Variants in ZSWIM5 observed in about 807,000 individuals in gnomAD.
ZSWIM5 encodes zinc finger SWIM domain-containing protein 5.
A neutral mutation model predicts 119.6 loss-of-function variants in ZSWIM5; 55 were observed. The ratio of observed to expected loss-of-function variants is 0.46; its 90% CI spans 0.37 to 0.58. The LOEUF is 0.58. Ranked by LOEUF, ZSWIM5 falls within the 20% of genes least tolerant of loss-of-function variation. The pLI, the probability that ZSWIM5 is intolerant of heterozygous loss-of-function variation, is 0.00. For missense variants in ZSWIM5, 1,193 were observed against 1,512.8 expected, an observed-to-expected ratio of 0.79 and a Z score of 3.51; for synonymous variants, 537 against 606.9, an observed-to-expected ratio of 0.88 and a Z score of 1.69.
At chr1:45,075,494 A>C (rs1332339592) in intron 2 of ZSWIM5, among the ~76,000 whole-genome samples, 1 of 152,084 alleles carries the variant, frequency 6.6e-6, no homozygotes, top group Admixed American at 6.5e-5. Context: ...TTTGTCTTGA[A>C]ATCTATTTTG....
At chr1:45,186,867 C>G (rs1447250091) in intron 1 of ZSWIM5, among the ~76,000 whole-genome samples, 1 of 152,116 alleles carries the variant, frequency 6.6e-6, no homozygotes, top group Non-Finnish European at 1.5e-5. Context: ...GTTGGGATTA[C>G]AGATGTGAGC....
chr1:45,038,960 C>G lies in ZSWIM5; in HGVS notation c.1870G>C (p.Asp624His), dbSNP rs760862440. Reference protein sequence around the residue: ...LTLTEACRLNDDGYLEMSDMN... With the variant: ...LTLTEACRLNHDGYLEMSDMN... ...CCTGACATCTCCAGATAGCCATCAT[C>G]ATTCAGGCGGCAGGCCTCAGTCAAA... Residue 624 changes from aspartate to histidine, a missense_variant, in exon 8 of 14, where the codon GAT becomes CAT. This residue lies in a region of ZSWIM5 where 961 missense variants were observed against 1,290.0 expected (regional missense o/e 0.74). Coordinates refer to ENST00000359600, the MANE Select transcript of ZSWIM5 (RefSeq NM_020883.2). 1.2e-6 allele frequency: 2 copies of G among 1,613,964 alleles called. No homozygotes were observed. Among genetic ancestry groups the G allele is most frequent in the South Asian group, 2.2e-5 (2 of 91,070 alleles).
chr1:45,129,707 AAATGTCCACGGCAAAAAATAATACAAGT>A, intron 1 of ZSWIM5, among the ~76,000 whole-genome samples: 1 of 152,182 alleles, frequency 6.6e-6, no homozygotes, highest in Non-Finnish European at 1.5e-5. Context: ...TGATACAACT[AAATGTCCACGGCAAAAAATAATACAAGT>A]AATAAACTTT....
intron 11 of ZSWIM5, among the ~76,000 whole-genome samples, chr1:45,030,584 T>C (rs1251143038): frequency 1.3e-5 from 2 of 152,090 alleles, no homozygotes; most frequent in Non-Finnish European, 2.9e-5. Flanking sequence ...TCTGACAGTT[T>C]TGTTTTTGAA....
chr1:45,168,785 C>A (rs912293085), intron 1 of ZSWIM5, among the ~76,000 whole-genome samples: 2 of 151,016 alleles, frequency 1.3e-5, no homozygotes. Context: ...TCTGGTTTCA[C>A]TTTTAAAAAT....
chr1:45,107,498 C>T (rs1032590881), intron 1 of ZSWIM5, among the ~76,000 whole-genome samples: 5 of 151,612 alleles, frequency 3.3e-5, no homozygotes, highest in South Asian at 2.1e-4. Flanking sequence ...AAAAATTAGC[C>T]GGGCCTGGTG....
intron 1 of ZSWIM5, among the ~76,000 whole-genome samples, chr1:45,129,167 T>G (rs887935144): frequency 6.2e-5 from 9 of 144,856 alleles, no homozygotes; most frequent in Admixed American, 4.8e-4. Flanking sequence ...TTTTTTTTTT[T>G]TTTTTTTTTT....
chr1:45,063,600 CT>C (rs1256553789), intron 2 of ZSWIM5, among the ~76,000 whole-genome samples: 1 of 152,136 alleles, frequency 6.6e-6, no homozygotes, highest in East Asian at 1.9e-4. Flanking sequence ...TTATGACATT[CT>C]TTTCCTCCTC....
chr1:45,019,044 C>A lies in ZSWIM5; in HGVS notation c.2968G>T (p.Ala990Ser), dbSNP rs1241752378. Reference sequence around the variant, plus strand: ...GAATGGGTCATACCACCAGCAGCAGCATCAATGGCAATCTGGTAGGCTGCC... The same window carrying A: ...GAATGGGTCATACCACCAGCAGCAGAATCAATGGCAATCTGGTAGGCTGCC... ...FEAAYQIAID[A>S]AAGGMTHSQL... The change falls in exon 14 of 14, where the codon GCT becomes TCT. Residue 990 changes from alanine to serine, a missense_variant. Coordinates refer to ENST00000359600, the MANE Select transcript of ZSWIM5 (RefSeq NM_020883.2). This position sits in a 1 kb window ranked among gnomAD's most constrained non-coding sequence, Gnocchi z 5.0. 4 of 1,614,220 alleles carry A rather than the reference C, an allele frequency of 2.5e-6. No individual in the cohort carries two copies. Among genetic ancestry groups the A allele is most frequent in the Non-Finnish European group, 3.4e-6 (4 of 1,180,036 alleles).
At chr1:45,073,173 T>A (rs1032456586) in intron 2 of ZSWIM5, among the ~76,000 whole-genome samples, 1 of 151,672 alleles carries the variant, frequency 6.6e-6, no homozygotes, top group Admixed American at 6.6e-5. Context: ...ATTTTATTTG[T>A]GGCCATTGTA....
chr1:45,114,743 T>C lies in ZSWIM5; in HGVS notation c.596-26506A>G, dbSNP rs146797257. On this transcript the variant is annotated intron_variant, in intron 1 of 13. Transcript: ENST00000359600. ...CAATAGTGGAGGGAAGGTCAGCAGA[T>C]AAACATGTGAACAAGGGTCTCTGGT... Among the ~76,000 whole-genome samples the C allele has an allele frequency of 1.6e-3, 248 of 152,122 alleles. 5 individuals are homozygous for C. In the East Asian group the frequency reaches 0.045, roughly 28 times the overall value.
intron 11 of ZSWIM5, among the ~76,000 whole-genome samples, chr1:45,028,376 A>G (rs1644932550): frequency 6.6e-6 from 1 of 152,112 alleles, no homozygotes; most frequent in South Asian, 2.1e-4. Flanking sequence ...TCTACTTTTA[A>G]TCTATCTGTG....
intron 2 of ZSWIM5, among the ~76,000 whole-genome samples, chr1:45,060,641 T>C (rs944008444): frequency 6.6e-6 from 1 of 152,220 alleles, no homozygotes; most frequent in African/African-American, 2.4e-5. Context: ...CACATTATTT[T>C]AAAATAAAAA....
intron 5 of ZSWIM5, among the ~76,000 whole-genome samples, chr1:45,044,057 G>T (rs1645032427): frequency 6.6e-6 from 1 of 151,992 alleles, no homozygotes; most frequent in Non-Finnish European, 1.5e-5. Flanking sequence ...CAGCATGGTG[G>T]CACATGCCTG....
intron 1 of ZSWIM5, among the ~76,000 whole-genome samples, chr1:45,152,888 G>GATTCAACAATTC (rs993516957): frequency 1.3e-5 from 2 of 151,576 alleles, no homozygotes; most frequent in Non-Finnish European, 2.9e-5. Context: ...AATCTATAAA[G>GATTCAACAATTC]AACTTAAACA....
intron 5 of ZSWIM5, among the ~76,000 whole-genome samples, chr1:45,049,331 A>G (rs910831808): frequency 6.6e-6 from 1 of 152,174 alleles, no homozygotes; most frequent in African/African-American, 2.4e-5. Context: ...AGGAAGAATT[A>G]TGTAGAAATG....
At chr1:45,074,946 A>G (rs1381910210) in intron 2 of ZSWIM5, among the ~76,000 whole-genome samples, 3 of 151,894 alleles carry the variant, frequency 2.0e-5, no homozygotes, top group Admixed American at 1.3e-4. Context: ...AAAATTTTCA[A>G]TTTCCTCTTA....
intron 1 of ZSWIM5, among the ~76,000 whole-genome samples, chr1:45,163,970 C>T (rs923374009): frequency 3.9e-5 from 6 of 152,226 alleles, no homozygotes; most frequent in Middle Eastern, 3.4e-3. Flanking sequence ...ATACATAGAA[C>T]GCCACAAAGA....
At position 45,181,576 on chromosome 1, in the gene ZSWIM5, G is replaced by C. The variant is rs1427547120; in HGVS notation, c.595+24180C>G. On this transcript the variant is annotated intron_variant, in intron 1 of 13. Coordinates refer to ENST00000359600, the MANE Select transcript of ZSWIM5 (RefSeq NM_020883.2). Reference sequence around the variant, plus strand: ...CCAACATTCAGATTCTGGAAATACAGAGAACGCCACAAAGATACTCCTCGA... The same window carrying C: ...CCAACATTCAGATTCTGGAAATACACAGAACGCCACAAAGATACTCCTCGA... 2.6e-5 allele frequency among the ~76,000 whole-genome samples: 4 copies of C among 152,044 alleles called. No homozygotes were observed. In the East Asian group the frequency reaches 7.7e-4, roughly 29 times the overall value.
Sources: allele counts gnomAD v4.1 joint callset (sites outside exome capture counted in the v4.1 genomes callset), GRCh38; gene constraint gnomAD v4.1.1; regional missense constraint gnomAD v4.1.1; non-coding constraint Gnocchi (gnomAD v3.1); transcripts MANE v1.5; gene names NCBI Gene and HGNC (gene_info 2026-07-23, HGNC 2026-07-21).